The following CFHR5 variants were observed in gnomAD, a reference collection of about 807,000 sequenced individuals.
The protein encoded by CFHR5 is complement factor H related 5, also known as complement factor H-related protein 5.
CFHR5 carries 73 observed loss-of-function variants against 62.9 expected under a neutral mutation model. The ratio of observed to expected loss-of-function variants is 1.16; its 90% confidence interval spans 0.96 to 1.41. CFHR5 has a LOEUF of 1.41. Ranked by LOEUF, CFHR5 falls within the 40% of genes most tolerant of loss-of-function variation. CFHR5 has a pLI of 0.00. For missense variants in CFHR5, 779 were observed against 679.9 expected (o/e 1.15, Z -1.62); for synonymous variants, 249 against 227.2 (o/e 1.10, Z -0.86).
chr1:196,976,642 T>A (rs1273577216), upstream of CFHR5, among the ~76,000 whole-genome samples: 1 of 152,130 alleles, frequency 6.6e-6, no homozygotes, highest in East Asian at 1.9e-4. Context: ...TGGTTACTTT[T>A]AAATTTTTAT....
At chr1:196,988,390 G>T (rs1653752479) in intron 3 of CFHR5, among the ~76,000 whole-genome samples, 1 of 152,120 alleles carries the variant, frequency 6.6e-6, no homozygotes, top group African/African-American at 2.4e-5. Context: ...GCCCTGGCCA[G>T]AACTTCCAAC....
Position 196,996,205 on chromosome 1 carries a change from A to G in CFHR5, c.970+4A>G, listed in dbSNP as rs375655542. 6.3e-7 allele frequency: 1 copy of G among 1,596,306 alleles called. No individual in the cohort carries two copies. Among genetic ancestry groups the G allele is most frequent in the Non-Finnish European group, 8.6e-7 (1 of 1,164,040 alleles). ...ACAGAGCTTCCTATGTGTGTTGGTG[A>G]GAAAACATTCCTAAACTTTATATTT... is the stretch of plus-strand genomic sequence containing the variant. On this transcript the variant is annotated splice_donor_region_variant and intron_variant, in intron 6 of 9. Coordinates refer to ENST00000256785, the MANE Select transcript of CFHR5 (RefSeq NM_030787.4).
rs993638562 is a variant in CFHR5 at position 196,987,077 on chromosome 1, G to A, written c.430+2940G>A. On this transcript the variant is annotated intron_variant, in intron 3 of 9. Transcript: ENST00000256785. ...ATCGCCATTCTAACTGGTGTGAGAT[G>A]GTATCTCATTGTGGTTTTGATTTGC... Among the ~76,000 whole-genome samples, 8 of 152,268 alleles carry A rather than the reference G, an allele frequency of 5.3e-5. No homozygotes were observed. In the East Asian group the frequency reaches 1.5e-3, roughly 29 times the overall value.
Position 196,995,779 on chromosome 1 carries a change from AAAG to A in CFHR5, c.672_674del (p.Glu226del). 1 of 1,613,340 alleles carries A rather than the reference AAAG, an allele frequency of 6.2e-7. No individual in the cohort carries two copies. Among genetic ancestry groups the A allele is most frequent in the Non-Finnish European group, 8.5e-7 (1 of 1,179,370 alleles). On this transcript the variant is annotated inframe_deletion, in exon 5 of 10. Coordinates refer to ENST00000256785, the MANE Select transcript of CFHR5 (RefSeq NM_030787.4). ...CAATGGTGAAGTTAAGGAGATAAGA[AAAG>A]AGGAATATGGACACAATGAAGTAGT... is the stretch of plus-strand genomic sequence containing the variant.
rs1255380391 is a variant in CFHR5 at position 196,994,366 on chromosome 1, TG to T, written c.607+112del. 8 of 911,856 alleles carry T rather than the reference TG, an allele frequency of 8.8e-6. No homozygotes were observed. In the African/African-American group the frequency reaches 1.3e-4, roughly 15 times the overall value. The allele number at this position is 911,856 out of a possible 1,614,324, so 56.5% of individuals were successfully genotyped here. A position where few individuals can be genotyped will look rare whatever the true frequency, so the allele number is the denominator to read the frequency against. On this transcript the variant is annotated intron_variant, in intron 4 of 9. Coordinates refer to ENST00000256785, the MANE Select transcript of CFHR5 (RefSeq NM_030787.4). ...TCTATAATCTGACAAAGTGGTAAAA[TG>T]GCAAAGGAGAAAGGATGCAGTTCTA...
rs150461846 is a variant in CFHR5, at chr1:196,992,440, C to A, written c.431-1640C>A. ...TCCAGGTACAGTCTGTCAGGGCCTC[C>A]CTTGGCTAGGAAAGGAAAATCCCCC... On this transcript the variant is annotated intron_variant, in intron 3 of 9. Coordinates refer to ENST00000256785, the MANE Select transcript of CFHR5 (RefSeq NM_030787.4). 8.5e-5 allele frequency among the ~76,000 whole-genome samples: 13 copies of A among 152,278 alleles called. No individual in the cohort carries two copies. In the East Asian group the frequency reaches 2.3e-3, roughly 27 times the overall value.
chr1:197,001,659 G>T (rs368639184), intron 7 of CFHR5, among the ~76,000 whole-genome samples: 2 of 151,196 alleles, frequency 1.3e-5, no homozygotes, highest in Non-Finnish European at 2.9e-5. Context: ...CCATTAACTC[G>T]TCATTTAGCA....
chr1:196,992,288 G>A (rs1207807365), intron 3 of CFHR5, among the ~76,000 whole-genome samples: 3 of 152,128 alleles, frequency 2.0e-5, no homozygotes, highest in Admixed American at 6.5e-5. Flanking sequence ...TGAGTGTCCC[G>A]ATTTTCCAGG....
chr1:196,994,435 G>A (rs936322889), intron 4 of CFHR5, among the ~76,000 whole-genome samples, 179 bp downstream of exon 4: 2 of 152,132 alleles, frequency 1.3e-5, no homozygotes, highest in African/African-American at 4.8e-5. Flanking sequence ...CCGTAATCAA[G>A]GAGTAATTCT....
At chr1:197,005,369 A>G (rs963548233) in intron 9 of CFHR5, among the ~76,000 whole-genome samples, 10 of 152,162 alleles carry the variant, frequency 6.6e-5, no homozygotes, top group African/African-American at 2.2e-4. Context: ...CTAAATCTTC[A>G]CTATCCCTTC....
At chr1:197,000,841 C>T (rs907422733) in intron 7 of CFHR5, among the ~76,000 whole-genome samples, 3 of 151,994 alleles carry the variant, frequency 2.0e-5, no homozygotes, top group Admixed American at 6.6e-5. Context: ...AAAATGTTTA[C>T]AAAATACCTA....
chr1:197,004,890 T>C, intron 9 of CFHR5, 47 bp downstream of exon 9: 1 of 1,472,350 alleles, frequency 6.8e-7, no homozygotes, highest in Non-Finnish European at 9.5e-7. Flanking sequence ...ATATTTATAG[T>C]GTAATTTTTT....
chr1:196,984,479 G>A (rs1653630255), intron 3 of CFHR5, among the ~76,000 whole-genome samples: 1 of 152,122 alleles, frequency 6.6e-6, no homozygotes, highest in South Asian at 2.1e-4. Context: ...CAGTTAAAAT[G>A]TCTTATAAGG....
At chr1:196,976,335 G>T (rs138972306), upstream of CFHR5, among the ~76,000 whole-genome samples, 858 of 152,098 alleles carry the variant, frequency 5.6e-3, 17 homozygotes, top group African/African-American at 0.02. Flanking sequence ...GCTTGCTTCA[G>T]CTAGTATCCT....
chr1:197,001,508 A>G (rs1330771017), intron 7 of CFHR5, among the ~76,000 whole-genome samples: 1 of 152,128 alleles, frequency 6.6e-6, no homozygotes, highest in Non-Finnish European at 1.5e-5. Flanking sequence ...AGGAAAAAAA[A>G]TAGCACTTTC....
At chr1:196,981,736 A>G (rs1653547885) in intron 1 of CFHR5, among the ~76,000 whole-genome samples, 1 of 152,108 alleles carries the variant, frequency 6.6e-6, no homozygotes, top group Admixed American at 6.5e-5. Flanking sequence ...TCTCTAAGAG[A>G]GAATGGCGTA....
intron 3 of CFHR5, among the ~76,000 whole-genome samples, chr1:196,991,412 T>C (rs1653845046): frequency 6.6e-6 from 1 of 152,184 alleles, no homozygotes; most frequent in Non-Finnish European, 1.5e-5. Context: ...CTATTGCTGG[T>C]GAGGAGCTAT....
intron 3 of CFHR5, among the ~76,000 whole-genome samples, chr1:196,987,800 C>G (rs1287715091): frequency 3.9e-5 from 6 of 152,186 alleles, no homozygotes; most frequent in Admixed American, 3.9e-4. Context: ...AGTTAGGTAG[C>G]CTGATGCCTC....
intron 7 of CFHR5, among the ~76,000 whole-genome samples, chr1:197,000,859 A>T (rs961140630): frequency 7.9e-5 from 12 of 152,050 alleles, no homozygotes; most frequent in Non-Finnish European, 1.6e-4. Flanking sequence ...CTAAACAAAG[A>T]GGTAATAAGA....
Sources: gnomAD v4.1 joint callset for allele counts (sites outside exome capture counted in the v4.1 genomes callset) on GRCh38, gnomAD v4.1.1 for gene constraint, MANE v1.5 for transcripts, NCBI Gene and HGNC (gene_info 2026-07-23, HGNC 2026-07-21) for gene names.